The following FLT1 variants were observed in gnomAD, a reference collection of about 807,000 sequenced individuals.
FLT1 encodes the protein fms related receptor tyrosine kinase 1.
In FLT1, 49 loss-of-function variants were observed where a neutral mutation model predicts 156.3. The observed-to-expected ratio is 0.31, with a 90% CI of 0.25 to 0.40. The LOEUF (loss-of-function observed/expected upper bound fraction) is 0.40, where lower values mean the gene tolerates loss of function less well. FLT1 is among the 10% of genes least tolerant of loss of function. The pLI, the probability that FLT1 is intolerant of heterozygous loss-of-function variation, is 1.00. For synonymous variants in FLT1, 594 were observed against 583.8 expected, an observed-to-expected ratio of 1.02 and a Z score of -0.25; for missense variants, 1,322 against 1,637.2, an observed-to-expected ratio of 0.81 and a Z score of 3.32.
At chr13:28,333,891 A>G in intron 18 of FLT1, 134 bp downstream of exon 18, 1 of 752,110 alleles carries the variant, frequency 1.3e-6, no homozygotes, top group Non-Finnish European at 2.4e-6. Context: ...AGAGGCCTCT[A>G]GCAGTAGAAG....
At chr13:28,397,184 T>C in intron 11 of FLT1, 116 bp from the exon 12 acceptor site, 1 of 706,784 alleles carries the variant, frequency 1.4e-6, no homozygotes, top group South Asian at 1.5e-5. Flanking sequence ...AAAGAGAGTA[T>C]TGCATAGGTG....
chr13:28,405,508 C>G (rs1025037520), intron 11 of FLT1, among the ~76,000 whole-genome samples: 3 of 152,130 alleles, frequency 2.0e-5, no homozygotes, highest in African/African-American at 7.2e-5. Flanking sequence ...AATAGGCAGC[C>G]AGGACTGTGA....
At chr13:28,465,334 T>G (rs539087047) in intron 3 of FLT1, among the ~76,000 whole-genome samples, 1 of 152,120 alleles carries the variant, frequency 6.6e-6, no homozygotes, top group South Asian at 2.1e-4. Flanking sequence ...TACAGTTATC[T>G]ACCCCCTGGA....
intron 14 of FLT1, chr13:28,368,813 T>C: frequency 1.8e-6 from 1 of 565,632 alleles, no homozygotes; most frequent in East Asian, 2.8e-5. Flanking sequence ...CAAGCGATTC[T>C]TCTGCCTCAG....
At chr13:28,346,687 G>A (rs1421309472) in intron 15 of FLT1, among the ~76,000 whole-genome samples, 1 of 152,118 alleles carries the variant, frequency 6.6e-6, no homozygotes, top group Non-Finnish European at 1.5e-5. Context: ...TCCCGCTTGG[G>A]CAACAGAGCA....
chr13:28,311,674 T>C lies in FLT1; in HGVS notation c.3551A>G (p.Tyr1184Cys). The C allele has an allele frequency of 1.2e-6, 2 of 1,613,518 alleles. No homozygotes were observed. The highest frequency in any genetic ancestry group is 1.7e-6 in the Non-Finnish European group (2 of 1,179,540). Reference sequence around the variant, plus strand: ...GTCCTCAGAGAAGGCAGGAGTTGAGTATGTAAACCCACTATTTCCTGTCAG... The same window carrying C: ...GTCCTCAGAGAAGGCAGGAGTTGAGCATGTAAACCCACTATTTCCTGTCAG... ...AILTGNSGFT[Y>C]STPAFSEDFF... Residue 1184 changes from tyrosine to cysteine, a missense_variant, in exon 27 of 30, where the codon TAC becomes TGC. By Grantham distance (194) the Tyr-to-Cys change is radical (BLOSUM62 -2). Coordinates refer to ENST00000282397, the MANE Select transcript of FLT1 (RefSeq NM_002019.4).
chr13:28,457,973 C>T (rs1879360175), intron 3 of FLT1, among the ~76,000 whole-genome samples: 4 of 118,452 alleles, frequency 3.4e-5, no homozygotes, highest in South Asian at 2.7e-4. Flanking sequence ...CTTGCTCTAT[C>T]GCCCAGGCTG....
intron 25 of FLT1, among the ~76,000 whole-genome samples, chr13:28,314,688 C>T (rs1871134401): frequency 6.6e-6 from 1 of 152,250 alleles, no homozygotes; most frequent in African/African-American, 2.4e-5. Context: ...TCACCCAGCC[C>T]TTCCTACTGT....
At chr13:28,372,068 A>ATTTTTTT (rs1873613378) in intron 14 of FLT1, among the ~76,000 whole-genome samples, 1 of 20,218 alleles carries the variant, frequency 4.9e-5, no homozygotes, top group Non-Finnish European at 1.1e-4. Flanking sequence ...ATATATATAT[A>ATTTTTTT]TATATATATT....
chr13:28,415,507 C>T (rs1876596919), intron 10 of FLT1, among the ~76,000 whole-genome samples: 1 of 152,000 alleles, frequency 6.6e-6, no homozygotes, highest in South Asian at 2.1e-4. Flanking sequence ...AATAATAGCA[C>T]CATTTTATTC....
chr13:28,303,503 C>CCT (rs58958637), intron 29 of FLT1, 135 bp from the exon 30 acceptor site: 16 of 760,004 alleles, frequency 2.1e-5, no homozygotes, highest in Middle Eastern at 3.6e-4. Context: ...CCCCCCCCCC[C>CCT]TCAATTGCTG....
At chr13:28,457,301 C>T (rs989930621) in intron 3 of FLT1, among the ~76,000 whole-genome samples, 1 of 152,172 alleles carries the variant, frequency 6.6e-6, no homozygotes, top group African/African-American at 2.4e-5. Context: ...TGGCACCCAG[C>T]ATGGATTAAG....
intron 26 of FLT1, 76 bp downstream of exon 26, chr13:28,311,917 C>T (rs139091615): frequency 8.8e-7 from 1 of 1,133,600 alleles, no homozygotes; most frequent in East Asian, 2.4e-5. Context: ...ATTAATAGCT[C>T]TTAAAAAAAA....
At chr13:28,417,272 T>C (rs748786301) in intron 10 of FLT1, among the ~76,000 whole-genome samples, 4 of 152,226 alleles carry the variant, frequency 2.6e-5, no homozygotes, top group Non-Finnish European at 4.4e-5. Flanking sequence ...ACCACATTCA[T>C]CTCTGGCAAG....
chr13:28,407,900 A>G (rs546444502), intron 10 of FLT1, among the ~76,000 whole-genome samples: 261 of 152,292 alleles, frequency 1.7e-3, no homozygotes, highest in Admixed American at 4.0e-3. Flanking sequence ...TTTCATTATC[A>G]TATTCTCCAT....
chr13:28,355,101 T>C (rs1872852380), intron 15 of FLT1, among the ~76,000 whole-genome samples: 1 of 152,142 alleles, frequency 6.6e-6, no homozygotes, highest in African/African-American at 2.4e-5. Flanking sequence ...TTATCCTAAG[T>C]CCTTGCAGAC....
At chr13:28,341,530 T>C (rs1002381902) in intron 16 of FLT1, among the ~76,000 whole-genome samples, 6 of 152,230 alleles carry the variant, frequency 3.9e-5, no homozygotes, top group South Asian at 2.1e-4. Flanking sequence ...AAATAATCCA[T>C]GGAAAGCTAT....
intron 3 of FLT1, among the ~76,000 whole-genome samples, chr13:28,461,813 T>C (rs145517566): frequency 6.6e-6 from 1 of 152,186 alleles, no homozygotes; most frequent in Non-Finnish European, 1.5e-5. Flanking sequence ...ATATACCCAA[T>C]GTGTCCGATA....
intron 14 of FLT1, chr13:28,368,149 T>G: frequency 1.7e-6 from 1 of 573,920 alleles, no homozygotes; most frequent in South Asian, 7.1e-5. Flanking sequence ...TGTTTATTTA[T>G]TTATTTATTT....
Sources: allele counts gnomAD v4.1 joint callset (sites outside exome capture counted in the v4.1 genomes callset), GRCh38; gene constraint gnomAD v4.1.1; transcripts MANE v1.5; gene names NCBI Gene and HGNC (gene_info 2026-07-23, HGNC 2026-07-21).